The following CADM2 variants were observed in gnomAD, a reference collection of about 807,000 sequenced individuals.
CADM2 encodes the protein immunoglobulin superfamily member 4D.
Under a neutral mutation model 49.8 loss-of-function variants are expected in CADM2, and 12 were observed. The ratio of observed to expected loss-of-function variants is 0.24; its 90% CI spans 0.15 to 0.39. The LOEUF (loss-of-function observed/expected upper bound fraction) is 0.39. CADM2 is among the 10% of genes least tolerant of loss of function. The pLI is 1.00. For synonymous variants in CADM2, 214 were observed against 175.4 expected (o/e 1.22, Z -1.74); for missense variants, 378 against 492.3 (o/e 0.77, Z 2.20).
At chr3:85,044,572 A>T (rs2035574353) in intron 1 of CADM2, among the ~76,000 whole-genome samples, 1 of 152,164 alleles carries the variant, frequency 6.6e-6, no homozygotes. Context: ...TTTGATATAG[A>T]TTACATTTCC....
At chr3:85,429,657 T>A (rs1364837293) in intron 1 of CADM2, among the ~76,000 whole-genome samples, 1 of 152,014 alleles carries the variant, frequency 6.6e-6, no homozygotes, top group Non-Finnish European at 1.5e-5. Context: ...ACTGGGATAA[T>A]CTTGAGAAAT....
intron 1 of CADM2, among the ~76,000 whole-genome samples, chr3:85,100,861 G>A (rs1410069457): frequency 2.0e-5 from 3 of 152,130 alleles, no homozygotes; most frequent in Admixed American, 1.3e-4. Context: ...AGTGTAAAGT[G>A]GTTTTTAAAC....
chr3:84,967,324 C>T (rs1162235950), intron 1 of CADM2, among the ~76,000 whole-genome samples: 1 of 152,044 alleles, frequency 6.6e-6, no homozygotes, highest in African/African-American at 2.4e-5. Context: ...TAAAAAAAGT[C>T]CTAATTTTCT....
intron 1 of CADM2, among the ~76,000 whole-genome samples, chr3:85,353,178 G>T (rs1325651272): frequency 1.3e-5 from 2 of 151,940 alleles, no homozygotes; most frequent in African/African-American, 4.8e-5. Context: ...ATATGTCATT[G>T]ACTAGAATTC....
chr3:85,815,335 G>A (rs762492555), intron 3 of CADM2, among the ~76,000 whole-genome samples: 18 of 151,970 alleles, frequency 1.2e-4, no homozygotes, highest in African/African-American at 2.2e-4. Context: ...ACATCGATGC[G>A]AAAATCCTCA....
At chr3:85,992,644 T>C (rs1377282911) in intron 8 of CADM2, 1 of 152,174 alleles carries the variant, frequency 6.6e-6, no homozygotes, top group Non-Finnish European at 1.5e-5. Context: ...TATCCCATAG[T>C]CTATTCAGTG....
intron 1 of CADM2, among the ~76,000 whole-genome samples, chr3:85,676,200 T>C (rs1164715683): frequency 4.6e-5 from 7 of 152,316 alleles, no homozygotes; most frequent in Non-Finnish European, 2.9e-5. Context: ...CCTTCGTCCT[T>C]TATAATAAAC....
At chr3:85,032,713 C>T (rs1253050754) in intron 1 of CADM2, among the ~76,000 whole-genome samples, 2 of 152,092 alleles carry the variant, frequency 1.3e-5, no homozygotes, top group African/African-American at 4.8e-5. Flanking sequence ...GGAATATCAT[C>T]TTTTGACTTT....
chr3:85,129,054 A>T (rs2039136565), intron 1 of CADM2, among the ~76,000 whole-genome samples: 2 of 152,208 alleles, frequency 1.3e-5, no homozygotes, highest in South Asian at 4.1e-4. Context: ...TTTTTCATTG[A>T]CATACCAGTG....
At chr3:85,601,440 T>C (rs1161375622) in intron 1 of CADM2, among the ~76,000 whole-genome samples, 2 of 151,066 alleles carry the variant, frequency 1.3e-5, no homozygotes, top group Non-Finnish European at 3.0e-5. Flanking sequence ...TGAACTACTG[T>C]TTTTCAAAAT....
At position 86,070,251 on chromosome 3, in the gene CADM2, A is replaced by C. The variant is rs976163347; in HGVS notation, c.*3468A>C. 3 of 151,964 alleles carry C rather than the reference A, an allele frequency of 2.0e-5. No individual in the cohort carries two copies. The highest frequency in any genetic ancestry group is 6.6e-5 in the Admixed American group (1 of 15,232). 9.4% of individuals were successfully genotyped at this position (151,964 alleles called of 1,614,324 possible). ...TTCTTTGTAAAAATATAAATATCTC[A>C]ATCAAAAGTACAGGCTCATTTGTAA... On this transcript the variant is annotated 3_prime_UTR_variant, in exon 10 of 10. Coordinates refer to ENST00000383699, the MANE Select transcript of CADM2 (RefSeq NM_001167675.2).
chr3:85,549,586 A>G (rs2061749480), intron 1 of CADM2, among the ~76,000 whole-genome samples: 1 of 152,096 alleles, frequency 6.6e-6, no homozygotes, highest in South Asian at 2.1e-4. Flanking sequence ...CAACATTTCA[A>G]TGTTTACACT....
chr3:86,021,634 C>A (rs540075005), intron 8 of CADM2, among the ~76,000 whole-genome samples: 2 of 152,078 alleles, frequency 1.3e-5, no homozygotes, highest in Non-Finnish European at 2.9e-5. Context: ...TTGGATTATT[C>A]TTTCTGTTAA....
chr3:85,085,947 CAA>C (rs1229241010), intron 1 of CADM2, among the ~76,000 whole-genome samples: 6 of 152,176 alleles, frequency 3.9e-5, no homozygotes, highest in Non-Finnish European at 7.4e-5. Flanking sequence ...TGATTGCAAA[CAA>C]GAGTTAAAAC....
intron 1 of CADM2, among the ~76,000 whole-genome samples, chr3:85,182,512 A>C (rs2040961447): frequency 6.6e-6 from 1 of 152,064 alleles, no homozygotes; most frequent in Admixed American, 6.6e-5. Context: ...TCTACTATGT[A>C]CCTTCAAAAG....
chr3:85,425,059 G>T (rs1033079983), intron 1 of CADM2, among the ~76,000 whole-genome samples: 1 of 152,030 alleles, frequency 6.6e-6, no homozygotes, highest in Admixed American at 6.6e-5. Flanking sequence ...CCAAATAAGA[G>T]AAATACATGT....
chr3:85,738,365 A>G (rs1274788918), intron 2 of CADM2, among the ~76,000 whole-genome samples: 1 of 152,154 alleles, frequency 6.6e-6, no homozygotes, highest in Non-Finnish European at 1.5e-5. Flanking sequence ...TGCATGAAAT[A>G]TTTTTTCCTT....
chr3:85,785,203 A>G (rs372041236), intron 2 of CADM2, among the ~76,000 whole-genome samples: 2 of 151,928 alleles, frequency 1.3e-5, no homozygotes, highest in East Asian at 3.9e-4. Flanking sequence ...AGGTTGGTCA[A>G]TTTTATCTTT....
intron 8 of CADM2, among the ~76,000 whole-genome samples, chr3:86,039,327 T>C (rs1157319201): frequency 7.2e-5 from 10 of 138,884 alleles, no homozygotes; most frequent in Non-Finnish European, 1.7e-4. Flanking sequence ...GAAATTCCCT[T>C]TCCTAGTCAA....
Sources: allele counts gnomAD v4.1 joint callset (sites outside exome capture counted in the v4.1 genomes callset), GRCh38; gene constraint gnomAD v4.1.1; transcripts MANE v1.5; gene names NCBI Gene and HGNC (gene_info 2026-07-23, HGNC 2026-07-21).